Variants in FGF14 observed in about 807,000 individuals in gnomAD.
The protein encoded by FGF14 is fibroblast growth factor 14.
In FGF14, 5 loss-of-function variants were observed where a neutral mutation model predicts 25.5. The ratio of observed to expected loss-of-function variants is 0.20; its 90% CI spans 0.10 to 0.41. FGF14 has a LOEUF of 0.41. Among genes scored for constraint, FGF14 ranks in the 10% least tolerant of loss-of-function variants. The pLI is 1.00. For missense variants in FGF14, 222 were observed against 320.1 expected, an observed-to-expected ratio of 0.69 and a Z score of 2.34; for synonymous variants, 138 against 118.3, an observed-to-expected ratio of 1.17 and a Z score of -1.08.
rs377462528 is a variant in FGF14 at position 101,956,361 on chromosome 13, C to G, written c.209-81065G>C. On this transcript the variant is annotated intron_variant, in intron 1 of 4. Transcript: ENST00000376131. Reference sequence around the variant, plus strand: ...AACTCCTCTCCAATTTTAGATTACACTATCGTATTATAGTGGTGAATAATT... The same window carrying G: ...AACTCCTCTCCAATTTTAGATTACAGTATCGTATTATAGTGGTGAATAATT... Among the ~76,000 whole-genome samples the G allele has an allele frequency of 3.9e-5, 6 of 152,300 alleles. No homozygotes were observed. In the East Asian group the frequency reaches 7.7e-4, roughly 20 times the overall value.
chr13:102,362,717 C>T (rs1387572267), intron 1 of FGF14, among the ~76,000 whole-genome samples: 1 of 152,106 alleles, frequency 6.6e-6, no homozygotes. Context: ...ACAGAACCCA[C>T]GGTCCCCACA....
At chr13:102,089,424 C>T (rs748516091) in intron 1 of FGF14, among the ~76,000 whole-genome samples, 78 of 152,304 alleles carry the variant, frequency 5.1e-4, no homozygotes, top group Non-Finnish European at 9.0e-4. Context: ...GGCTTCCATT[C>T]ATGCCCTGCA....
At chr13:101,883,790 T>G (rs1210238614) in intron 1 of FGF14, among the ~76,000 whole-genome samples, 1 of 151,862 alleles carries the variant, frequency 6.6e-6, no homozygotes, top group Non-Finnish European at 1.5e-5. Context: ...AGGCCAGGTA[T>G]GGTGGCTCAC....
chr13:101,933,301 G>A (rs1394671916), intron 1 of FGF14, among the ~76,000 whole-genome samples: 1 of 152,148 alleles, frequency 6.6e-6, no homozygotes, highest in Non-Finnish European at 1.5e-5. Flanking sequence ...AATAATGGGA[G>A]GTTAGAGGTT....
intron 1 of FGF14, among the ~76,000 whole-genome samples, chr13:102,244,402 C>T (rs1268706770): frequency 6.6e-6 from 1 of 151,196 alleles, no homozygotes; most frequent in Admixed American, 6.6e-5. Context: ...TACTTTTTGA[C>T]CAATTCACAC....
chr13:101,924,948 T>A (rs767925907), intron 1 of FGF14, among the ~76,000 whole-genome samples: 31 of 152,196 alleles, frequency 2.0e-4, no homozygotes, highest in Non-Finnish European at 4.0e-4. Flanking sequence ...TAGGATTATC[T>A]GATTCCCCTG....
chr13:101,727,174 T>C (rs2035495009), intron 3 of FGF14, among the ~76,000 whole-genome samples: 1 of 152,136 alleles, frequency 6.6e-6, no homozygotes, highest in Non-Finnish European at 1.5e-5. Context: ...ACATTTCAGA[T>C]ATTTTATAAT....
At chr13:102,379,957 T>C (rs1187163932) in intron 1 of FGF14, among the ~76,000 whole-genome samples, 1 of 152,130 alleles carries the variant, frequency 6.6e-6, no homozygotes, top group Admixed American at 6.6e-5. Flanking sequence ...TCTTCCCCTT[T>C]AGATAGCTCA....
At chr13:101,767,635 T>A (rs2038493021) in intron 3 of FGF14, among the ~76,000 whole-genome samples, 1 of 152,174 alleles carries the variant, frequency 6.6e-6, no homozygotes, top group Non-Finnish European at 1.5e-5. Flanking sequence ...GTAACCTGCA[T>A]CAGACAGATA....
chr13:101,874,709 T>C (rs1461610023), intron 2 of FGF14, among the ~76,000 whole-genome samples: 2 of 152,130 alleles, frequency 1.3e-5, no homozygotes, highest in African/African-American at 4.8e-5. Context: ...TAAGAAAGTT[T>C]TTTTTGTTAA....
chr13:102,283,177 A>T (rs1481650983), intron 1 of FGF14, among the ~76,000 whole-genome samples: 1 of 152,010 alleles, frequency 6.6e-6, no homozygotes, highest in African/African-American at 2.4e-5. Context: ...GACATATTGC[A>T]CTCTTTTGAG....
chr13:101,735,632 T>C (rs2036131929), intron 3 of FGF14, among the ~76,000 whole-genome samples: 1 of 151,518 alleles, frequency 6.6e-6, no homozygotes. Flanking sequence ...AAAATAGAAA[T>C]TGGGTTGGCT....
chr13:102,331,215 C>T, intron 1 of FGF14, among the ~76,000 whole-genome samples: 1 of 152,116 alleles, frequency 6.6e-6, no homozygotes, highest in East Asian at 1.9e-4. Flanking sequence ...TACATTGTCC[C>T]AGATCAAAAG....
At chr13:102,323,964 T>C (rs1192505370) in intron 1 of FGF14, among the ~76,000 whole-genome samples, 10 of 59,776 alleles carry the variant, frequency 1.7e-4, no homozygotes, top group Admixed American at 1.3e-3. Context: ...AGTATGTGTG[T>C]GTGTGTGTGT....
chr13:102,197,488 G>C (rs994604284), intron 1 of FGF14, among the ~76,000 whole-genome samples: 1 of 152,052 alleles, frequency 6.6e-6, no homozygotes, highest in Non-Finnish European at 1.5e-5. Context: ...AAAGGAGGAA[G>C]ATGAACTGGT....
At chr13:101,892,972 CAA>C (rs2029981868) in intron 1 of FGF14, among the ~76,000 whole-genome samples, 1 of 152,094 alleles carries the variant, frequency 6.6e-6, no homozygotes, top group Non-Finnish European at 1.5e-5. Flanking sequence ...CAGGCAGTGG[CAA>C]GATCATACGT....
intron 3 of FGF14, among the ~76,000 whole-genome samples, chr13:101,756,840 C>T (rs1346374380): frequency 6.6e-6 from 1 of 152,136 alleles, no homozygotes; most frequent in Non-Finnish European, 1.5e-5. Flanking sequence ...TGGCACTATC[C>T]TGAGCCCAGA....
chr13:101,743,605 T>C, intron 3 of FGF14, among the ~76,000 whole-genome samples: 1 of 152,136 alleles, frequency 6.6e-6, no homozygotes, highest in Non-Finnish European at 1.5e-5. Context: ...CATTTAGAAA[T>C]TATTTTTCTC....
chr13:101,766,151 G>C (rs2038376003), intron 3 of FGF14, among the ~76,000 whole-genome samples: 1 of 152,162 alleles, frequency 6.6e-6, no homozygotes, highest in African/African-American at 2.4e-5. Flanking sequence ...ACCAGAAACT[G>C]TACTAGCTGG....
Sources: allele counts gnomAD v4.1 joint callset (sites outside exome capture counted in the v4.1 genomes callset), GRCh38; gene constraint gnomAD v4.1.1; transcripts MANE v1.5; gene names NCBI Gene and HGNC (gene_info 2026-07-23, HGNC 2026-07-21).